Variants in DYNC1I1 observed in about 807,000 individuals in gnomAD.
DYNC1I1 encodes the protein dynein cytoplasmic 1 intermediate chain 1.
In DYNC1I1, 43 loss-of-function variants were observed where a neutral mutation model predicts 86.6. The observed-to-expected ratio is 0.50, with a 90% CI of 0.39 to 0.64. The LOEUF is 0.64. DYNC1I1 is among the 30% of genes least tolerant of loss of function. The pLI is 0.00. For synonymous variants in DYNC1I1, 262 were observed against 283.7 expected (o/e 0.92, Z 0.77); for missense variants, 604 against 788.8 (o/e 0.77, Z 2.81).
At chr7:96,103,840 C>T (rs1791173548) in intron 16 of DYNC1I1, among the ~76,000 whole-genome samples, 1 of 152,120 alleles carries the variant, frequency 6.6e-6, no homozygotes, top group Non-Finnish European at 1.5e-5. Context: ...TCTGGATCTC[C>T]TGACCTCGTG....
chr7:96,018,897 G>A (rs1794471206), intron 10 of DYNC1I1, among the ~76,000 whole-genome samples: 1 of 152,146 alleles, frequency 6.6e-6, no homozygotes, highest in Non-Finnish European at 1.5e-5. Flanking sequence ...CATGCTCCAT[G>A]AATTAATTGT....
rs184596989 is a variant in DYNC1I1 at position 95,811,935 on chromosome 7, G to T, written c.224-1312G>T. Among the ~76,000 whole-genome samples the T allele has an allele frequency of 3.3e-5, 5 of 152,238 alleles. No homozygotes were observed. The East Asian group carries it at 7.7e-4, about 24-fold the overall frequency. ...CCTAGTCTCCCCTACCCTACATAAA[G>T]CCAGTAATTAAACTTTAAGAACAAA... is the stretch of plus-strand genomic sequence containing the variant. On this transcript the variant is annotated intron_variant, in intron 3 of 16. Transcript: ENST00000447467.
intron 6 of DYNC1I1, among the ~76,000 whole-genome samples, chr7:95,953,078 G>C (rs891017694): frequency 6.7e-6 from 1 of 149,148 alleles, no homozygotes; most frequent in Admixed American, 6.8e-5. Context: ...GACTCATTCA[G>C]CAAATGTTTC....
Position 96,020,348 on chromosome 7 carries a change from T to C in DYNC1I1, c.970-7827T>C, listed in dbSNP as rs983109912. Among the ~76,000 whole-genome samples, 3 of 152,066 alleles carry C rather than the reference T, an allele frequency of 2.0e-5. No homozygotes were observed. The East Asian group carries it at 5.8e-4, about 29-fold the overall frequency. On this transcript the variant is annotated intron_variant, in intron 10 of 16. Transcript: ENST00000447467. Reference sequence around the variant, plus strand: ...AAGGCAAGGAGGAGTAAGTCATGTCTTACATGGATGGCAGCAGGCAAAAAT... The same window carrying C: ...AAGGCAAGGAGGAGTAAGTCATGTCCTACATGGATGGCAGCAGGCAAAAAT...
intron 6 of DYNC1I1, among the ~76,000 whole-genome samples, chr7:95,970,499 A>C (rs1318136476): frequency 6.6e-6 from 1 of 152,162 alleles, no homozygotes; most frequent in Non-Finnish European, 1.5e-5. Context: ...GGAAGAGAGA[A>C]GTGTGGCTTT....
intron 10 of DYNC1I1, among the ~76,000 whole-genome samples, chr7:95,998,517 T>G (rs1793928245): frequency 6.6e-6 from 1 of 152,196 alleles, no homozygotes; most frequent in Admixed American, 6.5e-5. Context: ...TTCTATCCTA[T>G]CTGATCTTTG....
chr7:95,935,012 C>G (rs1291228220), intron 6 of DYNC1I1, among the ~76,000 whole-genome samples: 1 of 151,162 alleles, frequency 6.6e-6, no homozygotes. Flanking sequence ...TCTACTCTCC[C>G]AACAAAAATT....
intron 4 of DYNC1I1, among the ~76,000 whole-genome samples, chr7:95,815,819 G>T (rs905829043): frequency 1.3e-5 from 2 of 152,082 alleles, no homozygotes; most frequent in African/African-American, 4.8e-5. Context: ...TCTGGCCGTA[G>T]CTAAAGGCAC....
At chr7:96,057,757 G>A (rs1291540450) in intron 14 of DYNC1I1, among the ~76,000 whole-genome samples, 4 of 152,000 alleles carry the variant, frequency 2.6e-5, no homozygotes, top group African/African-American at 9.7e-5. Context: ...CTCAGTCAGG[G>A]TACTAAATGA....
chr7:95,955,218 T>C (rs1473755913), intron 6 of DYNC1I1, among the ~76,000 whole-genome samples: 1 of 152,194 alleles, frequency 6.6e-6, no homozygotes, highest in Non-Finnish European at 1.5e-5. Flanking sequence ...TGTACTTGTA[T>C]GAAAATACCA....
At chr7:95,876,030 CTT>C (rs369598459) in intron 6 of DYNC1I1, among the ~76,000 whole-genome samples, 295 of 152,266 alleles carry the variant, frequency 1.9e-3, no homozygotes, top group African/African-American at 6.9e-3. Context: ...CTCACCTGTT[CTT>C]TTCTCAGTCT....
chr7:95,781,872 A>G (rs2115655326), intron 1 of DYNC1I1, among the ~76,000 whole-genome samples: 1 of 152,262 alleles, frequency 6.6e-6, no homozygotes, highest in South Asian at 2.1e-4. Context: ...GAAGATGTCA[A>G]CGCTGTCAGG....
intron 11 of DYNC1I1, among the ~76,000 whole-genome samples, chr7:96,031,117 T>C (rs1794797908): frequency 6.6e-6 from 1 of 152,220 alleles, no homozygotes; most frequent in South Asian, 2.1e-4. Flanking sequence ...GCATATTTTT[T>C]ATCACATGAG....
At chr7:95,980,641 C>T (rs748631057) in intron 7 of DYNC1I1, among the ~76,000 whole-genome samples, 2 of 149,270 alleles carry the variant, frequency 1.3e-5, no homozygotes, top group Non-Finnish European at 3.0e-5. Flanking sequence ...ACATTTTTGC[C>T]CACGTGACAT....
chr7:96,098,517 G>A (rs1474135502), downstream of DYNC1I1: 2 of 760,374 alleles, frequency 2.6e-6, no homozygotes, highest in African/African-American at 3.8e-5. Flanking sequence ...TTAGAGCCAT[G>A]TTAAAGACTG....
At chr7:96,025,846 G>C (rs947425529) in intron 10 of DYNC1I1, among the ~76,000 whole-genome samples, 1 of 151,188 alleles carries the variant, frequency 6.6e-6, no homozygotes, top group Non-Finnish European at 1.5e-5. Flanking sequence ...CTTGCGGGGG[G>C]GGGATATTTG....
chr7:95,818,433 C>T (rs983936438), intron 4 of DYNC1I1: 4 of 604,390 alleles, frequency 6.6e-6, no homozygotes, highest in African/African-American at 5.5e-5. Context: ...TCCTGCATAG[C>T]TAGGAGTACA....
intron 1 of DYNC1I1, among the ~76,000 whole-genome samples, chr7:95,785,775 GTATATATATATA>G (rs200152096): frequency 0.18 from 22,328 of 124,942 alleles, 2,223 homozygotes; most frequent in Middle Eastern, 0.33. Flanking sequence ...GTGTGTATGT[GTATATATATATA>G]TATATATATA....
chr7:96,070,242 T>TTTTGG (rs979169637), intron 14 of DYNC1I1, among the ~76,000 whole-genome samples: 5 of 152,122 alleles, frequency 3.3e-5, no homozygotes, highest in African/African-American at 9.7e-5. Flanking sequence ...AGAGTTGGTT[T>TTTTGG]TTTGGTTTGG....
Sources: gnomAD v4.1 joint callset for allele counts (sites outside exome capture counted in the v4.1 genomes callset) on GRCh38, gnomAD v4.1.1 for gene constraint, MANE v1.5 for transcripts, NCBI Gene and HGNC (gene_info 2026-07-23, HGNC 2026-07-21) for gene names.